HEG1: variants seen among roughly 807,000 people sequenced by gnomAD.
HEG1 encodes heart development protein with EGF like domains 1.
Under a neutral mutation model 125.6 loss-of-function variants are expected in HEG1, and 56 were observed. The ratio of observed to expected loss-of-function variants is 0.45; its 90% CI spans 0.36 to 0.56. HEG1 has a LOEUF of 0.56. Among genes scored for constraint, HEG1 ranks in the 20% least tolerant of loss-of-function variants. The pLI is 0.00. For synonymous variants in HEG1, 644 were observed against 668.5 expected (o/e 0.96, Z 0.57); for missense variants, 1,523 against 1,670.0 (o/e 0.91, Z 1.53).
Position 125,012,987 on chromosome 3 carries a change from T to C in HEG1, c.2592A>G (p.Ala864=), listed in dbSNP as rs897638487. 4 of 1,614,070 alleles carry C rather than the reference T, an allele frequency of 2.5e-6. No individual in the cohort carries two copies. Among genetic ancestry groups the C allele is most frequent in the Admixed American group, 3.3e-5 (2 of 60,026 alleles). The change falls in exon 6 of 17, where the codon GCA becomes GCG. Residue 864 remains alanine, a synonymous_variant. Coordinates refer to ENST00000311127, the MANE Select transcript of HEG1 (RefSeq NM_020733.2). ...MTTPGTLSST[A]SLVTGPIAVQ... ...CGGCTATAGGGCCAGTGACCAGAGA[T>C]GCTGTGCTTGACAGGGTGCCAGGAG...
chr3:124,987,279 C>T (rs1018535077), intron 14 of HEG1, among the ~76,000 whole-genome samples: 1 of 152,156 alleles, frequency 6.6e-6, no homozygotes, highest in East Asian at 1.9e-4. Flanking sequence ...CTATGAGAGG[C>T]CTGTCAGGGA....
At chr3:125,004,455 C>A (rs1937042422) in intron 9 of HEG1, among the ~76,000 whole-genome samples, 1 of 152,040 alleles carries the variant, frequency 6.6e-6, no homozygotes, top group Admixed American at 6.5e-5. Flanking sequence ...TTCTTTCTTC[C>A]TCTCCATTTT....
Position 124,973,821 on chromosome 3 carries a change from A to G in HEG1, c.3906T>C (p.Pro1302=). ...MSPYAEYPKN[P]RSQEWGREAI... The stretch of plus-strand genomic sequence containing the variant: ...CTTCTCGGCCCCATTCTTGTGAGCG[A>G]GGATTTTTGGGGTATTCAGCATACG... The change falls in exon 16 of 17, where the codon CCT becomes CCC. Residue 1302 remains proline (P), a synonymous_variant. Coordinates refer to ENST00000311127, the MANE Select transcript of HEG1 (RefSeq NM_020733.2). The G allele has an allele frequency of 6.2e-7, 1 of 1,613,802 alleles. No homozygotes were observed. Among genetic ancestry groups the G allele is most frequent in the Non-Finnish European group, 8.5e-7 (1 of 1,179,750 alleles).
chr3:124,973,053 A>C (rs2107685589), intron 16 of HEG1, among the ~76,000 whole-genome samples: 1 of 151,604 alleles, frequency 6.6e-6, no homozygotes, highest in South Asian at 2.1e-4. Context: ...ATAGGATCTC[A>C]CTCTGTTGCC....
chr3:125,027,319 C>G lies in HEG1; in HGVS notation c.799G>C (p.Glu267Gln). The G allele has an allele frequency of 2.5e-6, 4 of 1,613,962 alleles. No homozygotes were observed. The South Asian group carries it at 4.4e-5, about 18-fold the overall frequency. ...AWSPSFLPALEMGELTTPSRK... is the reference protein window; with the variant it reads ...AWSPSFLPALQMGELTTPSRK... ...GAAGGCGTGGTCAGCTCTCCCATCT[C>G]CAAAGCAGGAAGAAAGGACGGGCTC... Residue 267 changes from glutamate (E) to glutamine (Q), a missense_variant, in exon 3 of 17, where the codon GAG becomes CAG. Transcript: ENST00000311127.
intron 5 of HEG1, among the ~76,000 whole-genome samples, chr3:125,018,820 G>C (rs147220750): frequency 0.029 from 4,347 of 150,946 alleles, 91 homozygotes; most frequent in Non-Finnish European, 0.042. Flanking sequence ...GGGAAATAAG[G>C]AAGGAAGGTG....
At chr3:125,046,396 CA>C (rs1560036360) in intron 1 of HEG1, among the ~76,000 whole-genome samples, 1 of 76,946 alleles carries the variant, frequency 1.3e-5, no homozygotes, top group Non-Finnish European at 2.3e-5. Context: ...TATATATACA[CA>C]TACACACACA....
rs1937925716 is a variant in HEG1, at chr3:125,055,777, A to G, written c.114T>C (p.Ala38=). The change falls in exon 1 of 17, where the codon GCT becomes GCC. Residue 38 remains alanine (A), a synonymous_variant. Transcript: ENST00000311127. ...PGTRDPPPSP[A]RRALSLAPLA... Reference sequence around the variant, plus strand: ...GGGGCGCCAGGCTCAGCGCGCGGCGAGCCGGGGAAGGCGGCGGGTCCCGCG... The same window carrying G: ...GGGGCGCCAGGCTCAGCGCGCGGCGGGCCGGGGAAGGCGGCGGGTCCCGCG... 7.0e-6 allele frequency: 7 copies of G among 994,398 alleles called. No individual in the cohort carries two copies. Among genetic ancestry groups the G allele is most frequent in the African/African-American group, 3.5e-5 (2 of 56,712 alleles). The allele number at this position is 994,398 out of a possible 1,614,324, so 61.6% of individuals were successfully genotyped here.
intron 14 of HEG1, among the ~76,000 whole-genome samples, chr3:124,978,251 G>A (rs548457192): frequency 3.9e-5 from 6 of 152,266 alleles, no homozygotes; most frequent in African/African-American, 7.2e-5. Flanking sequence ...GGGTTCAAGC[G>A]ATTCTCCTGC....
chr3:124,993,436 C>T (rs1936863991), intron 12 of HEG1, among the ~76,000 whole-genome samples: 1 of 152,238 alleles, frequency 6.6e-6, no homozygotes, highest in Non-Finnish European at 1.5e-5. Flanking sequence ...GCTGGCCTCA[C>T]TCAGGTGGGG....
At chr3:125,042,945 G>T (rs550380434) in intron 1 of HEG1, among the ~76,000 whole-genome samples, 1 of 152,356 alleles carries the variant, frequency 6.6e-6, no homozygotes, top group Non-Finnish European at 1.5e-5. Context: ...GGTGGAGGAC[G>T]TTTAGAAGCC....
intron 1 of HEG1, among the ~76,000 whole-genome samples, chr3:125,042,798 C>T (rs925979376): frequency 6.6e-6 from 1 of 152,164 alleles, no homozygotes; most frequent in African/African-American, 2.4e-5. Context: ...TGGCCAGCAG[C>T]GGGATATTCT....
At chr3:125,015,342 A>C (rs1937228982) in intron 5 of HEG1, among the ~76,000 whole-genome samples, 1 of 152,228 alleles carries the variant, frequency 6.6e-6, no homozygotes, top group African/African-American at 2.4e-5. Flanking sequence ...GGAGGTAAAC[A>C]GTTGGTGAAA....
intron 1 of HEG1, among the ~76,000 whole-genome samples, chr3:125,037,290 G>A (rs765502649): frequency 6.6e-6 from 1 of 152,180 alleles, no homozygotes; most frequent in Non-Finnish European, 1.5e-5. Flanking sequence ...AAGGATCCCA[G>A]GTCTACGGAC....
At chr3:124,992,384 T>C (rs1266159570) in intron 12 of HEG1, among the ~76,000 whole-genome samples, 1 of 152,150 alleles carries the variant, frequency 6.6e-6, no homozygotes, top group East Asian at 1.9e-4. Flanking sequence ...TAATGCATGC[T>C]TGAATGAAAG....
chr3:125,014,914 AG>A (rs1398913352), intron 5 of HEG1: 2 of 1,289,730 alleles, frequency 1.6e-6, no homozygotes, highest in Non-Finnish European at 2.0e-6. Context: ...ACAGTAGCCA[AG>A]GTGTGGGTGC....
chr3:125,046,398 TACACACACACACACACAC>T (rs10522507), intron 1 of HEG1, among the ~76,000 whole-genome samples: 5 of 141,552 alleles, frequency 3.5e-5, no homozygotes, highest in Non-Finnish European at 3.0e-5. Context: ...TATATACACA[TACACACACACACACACAC>T]ACACACACAC....
intron 1 of HEG1, among the ~76,000 whole-genome samples, chr3:125,054,570 C>G (rs1937887831): frequency 6.6e-6 from 1 of 152,202 alleles, no homozygotes; most frequent in Non-Finnish European, 1.5e-5. Flanking sequence ...AGGGAAACTC[C>G]AAATCAATGT....
At chr3:125,055,107 A>G (rs1937902134) in intron 1 of HEG1, among the ~76,000 whole-genome samples, 1 of 152,206 alleles carries the variant, frequency 6.6e-6, no homozygotes, top group Admixed American at 6.5e-5. Flanking sequence ...CAAACTACGT[A>G]CATCCTTTGT....
Sources: gnomAD v4.1 joint callset for allele counts (sites outside exome capture counted in the v4.1 genomes callset) on GRCh38, gnomAD v4.1.1 for gene constraint, MANE v1.5 for transcripts, NCBI Gene and HGNC (gene_info 2026-07-23, HGNC 2026-07-21) for gene names.